MDGA2: variants seen among roughly 807,000 people sequenced by gnomAD.
The protein encoded by MDGA2 is MAM domain-containing glycosylphosphatidylinositol anchor protein 2.
In MDGA2, 40 loss-of-function variants were observed where a neutral mutation model predicts 117.8. That is an observed-to-expected ratio of 0.34 (90% CI 0.26 to 0.44). The LOEUF (loss-of-function observed/expected upper bound fraction) is 0.44, where lower values mean the gene tolerates loss of function less well. Among genes scored for constraint, MDGA2 ranks in the 20% least tolerant of loss-of-function variants. MDGA2 has a pLI of 1.00. For synonymous variants in MDGA2, 452 were observed against 439.0 expected (o/e 1.03, Z -0.37); for missense variants, 1,123 against 1,250.6 (o/e 0.90, Z 1.54).
At chr14:47,166,523 C>A (rs1033770149) in intron 3 of MDGA2, among the ~76,000 whole-genome samples, 1 of 152,136 alleles carries the variant, frequency 6.6e-6, no homozygotes, top group Non-Finnish European at 1.5e-5. Flanking sequence ...GCTCTCTCAT[C>A]CACAATGCAG....
intron 1 of MDGA2, among the ~76,000 whole-genome samples, chr14:47,522,672 A>C (rs1387174184): frequency 6.6e-6 from 1 of 152,216 alleles, no homozygotes; most frequent in Non-Finnish European, 1.5e-5. Context: ...TAATAGATAA[A>C]ATAATTCTAG....
intron 1 of MDGA2, among the ~76,000 whole-genome samples, chr14:47,512,694 T>C (rs1894666483): frequency 6.6e-6 from 1 of 152,160 alleles, no homozygotes; most frequent in African/African-American, 2.4e-5. Context: ...TTGAAATTAT[T>C]GATGTCAGTC....
intron 8 of MDGA2, among the ~76,000 whole-genome samples, chr14:47,023,751 T>C (rs910127657): frequency 3.3e-5 from 5 of 152,166 alleles, no homozygotes; most frequent in African/African-American, 1.2e-4. Context: ...TCACATTAGA[T>C]TTTAGAATTC....
chr14:47,462,193 C>T (rs927742907), intron 1 of MDGA2, among the ~76,000 whole-genome samples: 10 of 151,992 alleles, frequency 6.6e-5, no homozygotes, highest in African/African-American at 1.9e-4. Flanking sequence ...CTGGCTAACA[C>T]GGTGAAACCC....
At position 47,230,769 on chromosome 14, in the gene MDGA2, A is replaced by T. The variant is rs112618957; in HGVS notation, c.421-12574T>A. On this transcript the variant is annotated intron_variant, in intron 2 of 16. Coordinates refer to ENST00000399232, the MANE Select transcript of MDGA2 (RefSeq NM_001113498.3). The stretch of plus-strand genomic sequence containing the variant: ...ATCCAGGTGATTGAAAGCTATCAAT[A>T]AGATATGCGAAACTAAACTGAGGCA... Among the ~76,000 whole-genome samples the T allele has an allele frequency of 5.1e-3, 774 of 152,086 alleles. 8 individuals are homozygous for T. Among genetic ancestry groups the T allele is most frequent in the African/African-American group, 0.018 (739 of 41,558 alleles).
intron 1 of MDGA2, among the ~76,000 whole-genome samples, chr14:47,495,927 T>G (rs1894272130): frequency 6.6e-6 from 1 of 152,186 alleles, no homozygotes; most frequent in Non-Finnish European, 1.5e-5. Context: ...CTTAATTTGA[T>G]GTTCGAAAAA....
intron 2 of MDGA2, among the ~76,000 whole-genome samples, chr14:47,242,201 GTAGT>G (rs1323242953): frequency 6.6e-6 from 1 of 151,636 alleles, no homozygotes; most frequent in Non-Finnish European, 1.5e-5. Flanking sequence ...CAATAATTAC[GTAGT>G]TATTCAATGG....
intron 1 of MDGA2, among the ~76,000 whole-genome samples, chr14:47,615,764 T>TC (rs1244668826): frequency 6.6e-6 from 1 of 152,104 alleles, no homozygotes; most frequent in Non-Finnish European, 1.5e-5. Context: ...ACAAACCTCT[T>TC]CCCCACCTCA....
chr14:47,375,910 A>G (rs931783793), intron 1 of MDGA2, among the ~76,000 whole-genome samples: 34 of 152,132 alleles, frequency 2.2e-4, no homozygotes, highest in African/African-American at 8.0e-4. Context: ...TGGGTAATCT[A>G]TTACCTATTA....
intron 1 of MDGA2, among the ~76,000 whole-genome samples, chr14:47,622,931 T>C (rs536998733): frequency 7.2e-5 from 11 of 152,086 alleles, no homozygotes; most frequent in Admixed American, 6.6e-4. Flanking sequence ...GACTATTCTA[T>C]CTAAGTCAGG....
intron 1 of MDGA2, among the ~76,000 whole-genome samples, chr14:47,505,725 T>TA (rs1328307130): frequency 1.3e-5 from 2 of 152,166 alleles, no homozygotes; most frequent in Admixed American, 1.3e-4. Flanking sequence ...ACAAAATCAA[T>TA]AAAAAATATA....
At chr14:46,883,121 G>C (rs895246598) in intron 10 of MDGA2, among the ~76,000 whole-genome samples, 1 of 151,940 alleles carries the variant, frequency 6.6e-6, no homozygotes, top group Non-Finnish European at 1.5e-5. Flanking sequence ...CTCCAGCTAT[G>C]TTATTTAATT....
chr14:47,498,397 A>T (rs1015209028), intron 1 of MDGA2, among the ~76,000 whole-genome samples: 4 of 151,644 alleles, frequency 2.6e-5, no homozygotes, highest in South Asian at 2.1e-4. Flanking sequence ...AAGGATAAAT[A>T]TTTTTTTTTC....
At chr14:47,390,118 G>A (rs1001265764) in intron 1 of MDGA2, among the ~76,000 whole-genome samples, 2 of 151,982 alleles carry the variant, frequency 1.3e-5, no homozygotes, top group Admixed American at 1.3e-4. Flanking sequence ...AATTTAAAAC[G>A]GTCCCTAAAG....
intron 1 of MDGA2, among the ~76,000 whole-genome samples, chr14:47,486,700 G>A (rs1183507155): frequency 6.6e-6 from 1 of 152,042 alleles, no homozygotes; most frequent in South Asian, 2.1e-4. Context: ...TCATAATAGC[G>A]AATGGGCCTC....
chr14:46,858,451 G>A (rs1392134444), intron 14 of MDGA2, among the ~76,000 whole-genome samples: 2 of 127,080 alleles, frequency 1.6e-5, no homozygotes, highest in South Asian at 2.4e-4. Flanking sequence ...TTTTTGAGAC[G>A]GAGTCTCGCT....
At chr14:47,511,044 T>C (rs1894628783) in intron 1 of MDGA2, among the ~76,000 whole-genome samples, 1 of 152,182 alleles carries the variant, frequency 6.6e-6, no homozygotes. Flanking sequence ...ACAGTTTTCT[T>C]ATTTTTATTG....
At chr14:47,364,969 T>C (rs1391135023) in intron 1 of MDGA2, among the ~76,000 whole-genome samples, 1 of 152,192 alleles carries the variant, frequency 6.6e-6, no homozygotes, top group Non-Finnish European at 1.5e-5. Context: ...CAATATAACA[T>C]TGCCTTCATG....
At chr14:47,197,232 T>G (rs562931174) in intron 3 of MDGA2, among the ~76,000 whole-genome samples, 57 of 152,282 alleles carry the variant, frequency 3.7e-4, no homozygotes, top group African/African-American at 1.3e-3. Flanking sequence ...TATGTTGAAA[T>G]CTCAACCCCG....
Sources: allele counts gnomAD v4.1 joint callset (sites outside exome capture counted in the v4.1 genomes callset), GRCh38; gene constraint gnomAD v4.1.1; transcripts MANE v1.5; gene names NCBI Gene and HGNC (gene_info 2026-07-23, HGNC 2026-07-21).